Variants in RBFOX1 observed in about 807,000 individuals in gnomAD.
RBFOX1 encodes RNA binding fox-1 homolog 1, also known as RNA binding protein fox-1 homolog 1.
In RBFOX1, 8 loss-of-function variants were observed where a neutral mutation model predicts 57.7. The observed-to-expected ratio is 0.14, with a 90% confidence interval of 0.08 to 0.25. The LOEUF (loss-of-function observed/expected upper bound fraction) is 0.25. Among genes scored for constraint, RBFOX1 ranks in the 10% least tolerant of loss-of-function variants. The pLI is 1.00. For synonymous variants in RBFOX1, 326 were observed against 222.4 expected, an observed-to-expected ratio of 1.47 and a Z score of -4.15; for missense variants, 611 against 548.5, an observed-to-expected ratio of 1.11 and a Z score of -1.14.
intron 1 of RBFOX1, among the ~76,000 whole-genome samples, chr16:5,321,687 G>A (rs1352708391): frequency 1.3e-5 from 2 of 152,158 alleles, no homozygotes; most frequent in African/African-American, 4.8e-5. Context: ...AAGTGGTGGT[G>A]GCCGTCATGG....
intron 2 of RBFOX1, among the ~76,000 whole-genome samples, chr16:6,552,523 C>A (rs879679507): frequency 6.6e-6 from 1 of 152,104 alleles, no homozygotes; most frequent in African/African-American, 2.4e-5. Flanking sequence ...ATGGTAATTG[C>A]CGAATAAATG....
At chr16:7,068,286 A>T (rs112138194) in intron 4 of RBFOX1, among the ~76,000 whole-genome samples, 1 of 152,170 alleles carries the variant, frequency 6.6e-6, no homozygotes, top group Non-Finnish European at 1.5e-5. Flanking sequence ...CCCCACTCTA[A>T]GTAGACTGAT....
chr16:7,155,811 G>A lies in RBFOX1; in HGVS notation c.27+103713G>A, dbSNP rs142281240. On this transcript the variant is annotated intron_variant, in intron 4 of 15. Coordinates refer to ENST00000550418, the MANE Select transcript of RBFOX1 (RefSeq NM_018723.4). ...TAATCATTCAGCTATTCTAATATTTGTATATGTAAATGTGCTCTATATAAT... is the reference window on the plus strand; with the variant it reads ...TAATCATTCAGCTATTCTAATATTTATATATGTAAATGTGCTCTATATAAT... Among the ~76,000 whole-genome samples, 591 of 144,158 alleles carry A rather than the reference G, an allele frequency of 4.1e-3. 2 individuals are homozygous for A. The highest frequency in any genetic ancestry group is 0.015 in the African/African-American group (564 of 38,750). The allele number at this position is 144,158 out of a possible 152,430, so 94.6% of individuals were successfully genotyped here.
intron 4 of RBFOX1, among the ~76,000 whole-genome samples, chr16:7,214,840 G>A (rs1167820001): frequency 6.6e-6 from 1 of 152,142 alleles, no homozygotes; most frequent in Non-Finnish European, 1.5e-5. Context: ...TATGAGATTA[G>A]AAATGGGATA....
chr16:6,914,555 A>T (rs956979136), intron 3 of RBFOX1, among the ~76,000 whole-genome samples: 8 of 135,782 alleles, frequency 5.9e-5, no homozygotes, highest in Non-Finnish European at 1.2e-4. Flanking sequence ...TCCAGAAGAA[A>T]ACAAAAATAA....
chr16:7,530,280 C>A (rs74010554), intron 5 of RBFOX1, among the ~76,000 whole-genome samples: 1 of 152,092 alleles, frequency 6.6e-6, no homozygotes, highest in Non-Finnish European at 1.5e-5. Flanking sequence ...CTGTACCATG[C>A]CCTTCCTCTG....
chr16:7,547,873 A>G (rs11644146), intron 5 of RBFOX1, among the ~76,000 whole-genome samples: 97,575 of 152,050 alleles, frequency 0.64, 35,088 homozygotes, highest in Non-Finnish European at 0.82. Flanking sequence ...ATCTATCCTG[A>G]TAGGAGACAA....
intron 4 of RBFOX1, among the ~76,000 whole-genome samples, chr16:7,268,864 C>G (rs567851495): frequency 4.6e-5 from 7 of 151,724 alleles, no homozygotes; most frequent in South Asian, 2.1e-4. Context: ...TGGTGAAACC[C>G]CATCTCTACT....
intron 2 of RBFOX1, among the ~76,000 whole-genome samples, chr16:6,555,569 G>A (rs139662800): frequency 0.017 from 2,591 of 152,038 alleles, 90 homozygotes; most frequent in African/African-American, 0.059. Context: ...GCGTGGTGGC[G>A]GGCGCCTGTA....
At chr16:5,439,139 A>C (rs888404159) in intron 1 of RBFOX1, among the ~76,000 whole-genome samples, 1 of 152,014 alleles carries the variant, frequency 6.6e-6, no homozygotes, top group Non-Finnish European at 1.5e-5. Flanking sequence ...AGATTTGGGA[A>C]AAGCAAGCAG....
chr16:7,153,007 A>G (rs188757989), intron 4 of RBFOX1, among the ~76,000 whole-genome samples: 259 of 152,292 alleles, frequency 1.7e-3, no homozygotes, highest in Admixed American at 3.5e-3. Flanking sequence ...GAGTGTGTTC[A>G]TTTGTGATTC....
intron 3 of RBFOX1, among the ~76,000 whole-genome samples, chr16:7,042,614 G>T (rs1176255373): frequency 6.6e-6 from 1 of 152,198 alleles, no homozygotes; most frequent in Non-Finnish European, 1.5e-5. Context: ...GAATGTTAGT[G>T]TGCAATTTAT....
chr16:6,482,423 GA>G, intron 2 of RBFOX1, among the ~76,000 whole-genome samples: 1 of 152,314 alleles, frequency 6.6e-6, no homozygotes, highest in Admixed American at 6.5e-5. Context: ...TTAAGCTGAA[GA>G]TAGCTAGAAC....
chr16:5,972,387 A>G (rs1241010585), intron 4 of RBFOX1, among the ~76,000 whole-genome samples: 3 of 152,232 alleles, frequency 2.0e-5, no homozygotes, highest in Admixed American at 1.3e-4. Context: ...CATGATATGC[A>G]TGGTGATGGC....
intron 1 of RBFOX1, among the ~76,000 whole-genome samples, chr16:6,278,106 G>C (rs1350749940): frequency 6.6e-6 from 1 of 152,012 alleles, no homozygotes; most frequent in East Asian, 1.9e-4. Flanking sequence ...TATAAATGGG[G>C]CATCTCTTTG....
At chr16:5,926,332 T>C (rs2058940309) in intron 4 of RBFOX1, among the ~76,000 whole-genome samples, 1 of 152,120 alleles carries the variant, frequency 6.6e-6, no homozygotes, top group Admixed American at 6.5e-5. Context: ...TGGAGAAGGG[T>C]TGGGGCTGGA....
At chr16:6,820,556 T>C (rs7187092) in intron 3 of RBFOX1, among the ~76,000 whole-genome samples, 75,542 of 151,754 alleles carry the variant, frequency 0.5, 20,082 homozygotes, top group Non-Finnish European at 0.6. Flanking sequence ...CTACTTGGGA[T>C]GGTGAGGCAG....
chr16:6,915,850 C>G (rs1377151342), intron 3 of RBFOX1, among the ~76,000 whole-genome samples: 1 of 152,154 alleles, frequency 6.6e-6, no homozygotes, highest in Non-Finnish European at 1.5e-5. Flanking sequence ...CTATGCCCAG[C>G]CTTCATTCCT....
At chr16:6,840,944 G>T (rs1461164238) in intron 3 of RBFOX1, among the ~76,000 whole-genome samples, 2 of 151,158 alleles carry the variant, frequency 1.3e-5, no homozygotes. Flanking sequence ...CTTTAATCAT[G>T]TGAAGTTAGA....
Sources: gnomAD v4.1 joint callset for allele counts (sites outside exome capture counted in the v4.1 genomes callset) on GRCh38, gnomAD v4.1.1 for gene constraint, MANE v1.5 for transcripts, NCBI Gene and HGNC (gene_info 2026-07-23, HGNC 2026-07-21) for gene names.